Variants in FHIP1A observed in about 807,000 individuals in gnomAD.
The protein encoded by FHIP1A is FHF complex subunit HOOK-interacting protein 1A.
FHIP1A carries 61 observed loss-of-function variants against 88.6 expected under a neutral mutation model. The ratio of observed to expected loss-of-function variants is 0.69; its 90% CI spans 0.56 to 0.85. The LOEUF is 0.85. Among genes scored for constraint, FHIP1A ranks in the 40% least tolerant of loss-of-function variants. The pLI, the probability that FHIP1A is intolerant of heterozygous loss-of-function variation, is 0.00. For missense variants in FHIP1A, 1,154 were observed against 1,273.5 expected (o/e 0.91, Z 1.43); for synonymous variants, 478 against 496.0 (o/e 0.96, Z 0.48).
chr4:151,493,208 T>G (rs1243927674), intron 3 of FHIP1A, among the ~76,000 whole-genome samples: 3 of 152,088 alleles, frequency 2.0e-5, no homozygotes, highest in Non-Finnish European at 2.9e-5. Context: ...CCTTTATGGC[T>G]ACAGACTAGA....
At position 151,665,442 on chromosome 4, in the gene FHIP1A, C is replaced by A. The variant is rs6843755; in HGVS notation, c.*2688C>A. On this transcript the variant is annotated 3_prime_UTR_variant, in exon 14 of 14. Coordinates refer to ENST00000435205, the MANE Select transcript of FHIP1A (RefSeq NM_001109977.3). ...TCCTGTTTCTGAATCCATTACAGTCCTCAGAGGTTTTTGTCCATGGTTTTG... is the reference window on the plus strand; with the variant it reads ...TCCTGTTTCTGAATCCATTACAGTCATCAGAGGTTTTTGTCCATGGTTTTG... Among the ~76,000 whole-genome samples, 1,939 of 152,262 alleles carry A rather than the reference C, an allele frequency of 0.013. 40 individuals are homozygous for A. Among genetic ancestry groups the A allele is most frequent in the African/African-American group, 0.044 (1,837 of 41,522 alleles).
chr4:151,547,338 G>A (rs1047004958), intron 3 of FHIP1A, among the ~76,000 whole-genome samples: 1 of 152,158 alleles, frequency 6.6e-6, no homozygotes, highest in Non-Finnish European at 1.5e-5. Flanking sequence ...AGAGGCCATA[G>A]GCTCACAGAA....
At chr4:151,568,132 T>C (rs1733461894) in intron 4 of FHIP1A, among the ~76,000 whole-genome samples, 2 of 152,198 alleles carry the variant, frequency 1.3e-5, no homozygotes. Flanking sequence ...TGTGTCACAT[T>C]GTTGAAAGAC....
At chr4:151,527,558 A>G (rs1052406403) in intron 3 of FHIP1A, among the ~76,000 whole-genome samples, 2 of 151,878 alleles carry the variant, frequency 1.3e-5, no homozygotes, top group Non-Finnish European at 2.9e-5. Context: ...AGAGCGAGAG[A>G]GAGAGGGAGA....
intron 2 of FHIP1A, among the ~76,000 whole-genome samples, chr4:151,458,355 T>A (rs892078173): frequency 2.0e-5 from 3 of 152,138 alleles, no homozygotes; most frequent in Admixed American, 2.0e-4. Context: ...GGGGCAGTGT[T>A]CTTGGTCCTA....
intron 7 of FHIP1A, among the ~76,000 whole-genome samples, chr4:151,593,964 G>T (rs1332835562): frequency 6.6e-6 from 1 of 152,148 alleles, no homozygotes; most frequent in African/African-American, 2.4e-5. Context: ...AGAGTTTTTA[G>T]CGTGAAGGGG....
At chr4:151,604,783 A>G (rs1248385808) in intron 7 of FHIP1A, among the ~76,000 whole-genome samples, 1 of 151,636 alleles carries the variant, frequency 6.6e-6, no homozygotes, top group African/African-American at 2.4e-5. Flanking sequence ...CAGGAGGCAG[A>G]GGTTGCAGTG....
At chr4:151,411,782 T>TA (rs1197818831) in intron 1 of FHIP1A, among the ~76,000 whole-genome samples, 1 of 152,208 alleles carries the variant, frequency 6.6e-6, no homozygotes, top group African/African-American at 2.4e-5. Context: ...TCTAGGGTGA[T>TA]ACGTAGGCCC....
intron 1 of FHIP1A, among the ~76,000 whole-genome samples, chr4:151,425,700 AG>A (rs1439785884): frequency 1.3e-5 from 2 of 152,192 alleles, no homozygotes; most frequent in Non-Finnish European, 2.9e-5. Context: ...ATCAAGGTAT[AG>A]GCAGACCCCA....
Position 151,662,817 on chromosome 4 carries a change from T to G in FHIP1A, c.*63T>G. 7.4e-7 allele frequency: 1 copy of G among 1,342,498 alleles called. No homozygotes were observed. Among genetic ancestry groups the G allele is most frequent in the Non-Finnish European group, 9.9e-7 (1 of 1,013,600 alleles). 83.2% of individuals were successfully genotyped at this position (1,342,498 alleles called of 1,614,324 possible). On this transcript the variant is annotated 3_prime_UTR_variant, in exon 14 of 14. Coordinates refer to ENST00000435205, the MANE Select transcript of FHIP1A (RefSeq NM_001109977.3). Reference sequence around the variant, plus strand: ...AAGGTTTTAGTGTCTTGACTGAATGTTAAATGCAAAGCTGCTTACAAAGAT... The same window carrying G: ...AAGGTTTTAGTGTCTTGACTGAATGGTAAATGCAAAGCTGCTTACAAAGAT...
Position 151,666,847 on chromosome 4 carries a change from C to G in FHIP1A, c.*4093C>G, listed in dbSNP as rs1285638924. On this transcript the variant is annotated 3_prime_UTR_variant, in exon 14 of 14. Transcript: ENST00000435205. ...CTCTGGGAATAATCAGTCCTTAATA[C>G]AGTTTTCACTTGACATAATAGTTTT... Among the ~76,000 whole-genome samples the G allele has an allele frequency of 6.6e-6, 1 of 152,204 alleles. No individual in the cohort carries two copies. Among genetic ancestry groups the G allele is most frequent in the Admixed American group, 6.5e-5 (1 of 15,282 alleles).
chr4:151,497,789 G>A (rs1397730176), intron 3 of FHIP1A, among the ~76,000 whole-genome samples: 1 of 152,200 alleles, frequency 6.6e-6, no homozygotes, highest in East Asian at 1.9e-4. Context: ...GCTCCTCTGA[G>A]CCCTCTTCTC....
chr4:151,482,863 C>T (rs1729949528), intron 3 of FHIP1A, among the ~76,000 whole-genome samples: 1 of 152,084 alleles, frequency 6.6e-6, no homozygotes, highest in Non-Finnish European at 1.5e-5. Context: ...CCTCTGGTAG[C>T]ATTCTTCTAA....
At chr4:151,542,899 A>C (rs1732350507) in intron 3 of FHIP1A, among the ~76,000 whole-genome samples, 1 of 152,210 alleles carries the variant, frequency 6.6e-6, no homozygotes, top group Non-Finnish European at 1.5e-5. Flanking sequence ...AATTGGGCAT[A>C]ATGCTAGCCC....
intron 3 of FHIP1A, among the ~76,000 whole-genome samples, chr4:151,530,323 G>A (rs1191556486): frequency 1.3e-5 from 2 of 152,060 alleles, no homozygotes; most frequent in Admixed American, 6.5e-5. Flanking sequence ...ATGGAGGCCC[G>A]AGACCAGGGC....
At chr4:151,579,023 C>T (rs777270154) in intron 5 of FHIP1A, among the ~76,000 whole-genome samples, 5 of 152,142 alleles carry the variant, frequency 3.3e-5, no homozygotes, top group African/African-American at 9.7e-5. Context: ...ATGATTCCAA[C>T]TATACGACAT....
At chr4:151,597,549 C>T (rs1734697522) in intron 7 of FHIP1A, among the ~76,000 whole-genome samples, 1 of 152,156 alleles carries the variant, frequency 6.6e-6, no homozygotes, top group Non-Finnish European at 1.5e-5. Flanking sequence ...TGGCAGAACT[C>T]GAGCGCTGTG....
intron 3 of FHIP1A, among the ~76,000 whole-genome samples, chr4:151,528,895 G>C (rs1267494486): frequency 6.6e-6 from 1 of 152,094 alleles, no homozygotes; most frequent in Admixed American, 6.5e-5. Flanking sequence ...ACTTTATTTG[G>C]TGTTTCACTT....
At chr4:151,595,958 TG>T (rs1313499390) in intron 7 of FHIP1A, among the ~76,000 whole-genome samples, 1 of 152,248 alleles carries the variant, frequency 6.6e-6, no homozygotes, top group Non-Finnish European at 1.5e-5. Context: ...AGCACACTGA[TG>T]GGTCTTAACT....
Sources: allele counts gnomAD v4.1 joint callset (sites outside exome capture counted in the v4.1 genomes callset), GRCh38; gene constraint gnomAD v4.1.1; transcripts MANE v1.5; gene names NCBI Gene and HGNC (gene_info 2026-07-23, HGNC 2026-07-21).